The following ARID1B variants were observed in gnomAD, a reference collection of about 807,000 sequenced individuals.
ARID1B encodes the protein AT-rich interaction domain 1B.
A neutral mutation model predicts 212.3 loss-of-function variants in ARID1B; 30 were observed. The ratio of observed to expected loss-of-function variants is 0.14; its 90% confidence interval spans 0.11 to 0.19. The LOEUF is 0.19. Among genes scored for constraint, ARID1B ranks in the 10% least tolerant of loss-of-function variants. The probability of loss-of-function intolerance (pLI) is 1.00; values close to 1 mark genes in which losing one functional copy is unlikely to be tolerated. For missense variants in ARID1B, 2,891 were observed against 3,204.0 expected, an observed-to-expected ratio of 0.90 and a Z score of 2.36; for synonymous variants, 1,402 against 1,301.7, an observed-to-expected ratio of 1.08 and a Z score of -1.66.
At chr6:157,107,203 T>C (rs1786553641) in intron 5 of ARID1B, among the ~76,000 whole-genome samples, 1 of 152,000 alleles carries the variant, frequency 6.6e-6, no homozygotes, top group Non-Finnish European at 1.5e-5. Context: ...GGTCACAAAA[T>C]AGAAGGAAAG....
intron 1 of ARID1B, among the ~76,000 whole-genome samples, chr6:156,811,930 A>G (rs1159695768): frequency 2.0e-5 from 3 of 152,190 alleles, no homozygotes; most frequent in Non-Finnish European, 4.4e-5. Context: ...TTATATTATA[A>G]TATGACCTTG....
At chr6:157,122,197 T>C (rs1006840562) in intron 6 of ARID1B, among the ~76,000 whole-genome samples, 7 of 151,846 alleles carry the variant, frequency 4.6e-5, no homozygotes, top group Non-Finnish European at 8.8e-5. Context: ...GTCTCTTGGC[T>C]TAGTCTTTAA....
chr6:157,195,880 G>A (rs1265418748), intron 15 of ARID1B: 3 of 343,606 alleles, frequency 8.7e-6, no homozygotes, highest in Non-Finnish European at 1.6e-5. Context: ...GACCTACATG[G>A]TGAAACCCTG....
In ARID1B at chr6:157,101,669, T is replaced by C. The variant is rs1786056089; in HGVS notation, c.2492-8803T>C. Among the ~76,000 whole-genome samples, 4 of 152,158 alleles carry C rather than the reference T, an allele frequency of 2.6e-5. No homozygotes were observed. In the South Asian group the frequency reaches 8.3e-4, roughly 32 times the overall value. ...TTTTTTTTTAACCTCATTTGGTACA[T>C]TCAAGCTATCTCTAATTTACCTGCG... On this transcript the variant is annotated intron_variant, in intron 5 of 19. Coordinates refer to ENST00000636930, the MANE Select transcript of ARID1B (RefSeq NM_001374828.1).
At chr6:156,987,520 TG>T (rs1436018222) in intron 4 of ARID1B, among the ~76,000 whole-genome samples, 19 of 152,146 alleles carry the variant, frequency 1.2e-4, no homozygotes, top group Non-Finnish European at 1.2e-4. Flanking sequence ...TCAGTAGAGA[TG>T]GGGTTTCACC....
chr6:156,851,378 T>C (rs768255120), intron 2 of ARID1B, among the ~76,000 whole-genome samples: 17 of 152,372 alleles, frequency 1.1e-4, no homozygotes, highest in Admixed American at 3.3e-4. Context: ...TTTAATTGTA[T>C]ATTTAGGAAA....
intron 4 of ARID1B, among the ~76,000 whole-genome samples, chr6:157,044,658 T>G (rs1385071689): frequency 6.6e-6 from 1 of 152,250 alleles, no homozygotes; most frequent in Non-Finnish European, 1.5e-5. Flanking sequence ...CTGTATCTTT[T>G]GTTACATTTT....
At chr6:156,900,662 A>G (rs1049885460) in intron 2 of ARID1B, among the ~76,000 whole-genome samples, 4 of 152,220 alleles carry the variant, frequency 2.6e-5, no homozygotes, top group African/African-American at 9.6e-5. Context: ...TATCCATGGT[A>G]TATTTATTGC....
intron 1 of ARID1B, among the ~76,000 whole-genome samples, chr6:156,791,523 T>C (rs918985614): frequency 2.0e-5 from 3 of 152,236 alleles, no homozygotes; most frequent in African/African-American, 4.8e-5. Context: ...CCTTCACATA[T>C]GTAGATTAGC....
In ARID1B at chr6:156,897,667, A is replaced by T. The variant is rs11968943; in HGVS notation, c.1987-3709A>T. Among the ~76,000 whole-genome samples, 915 of 150,854 alleles carry T rather than the reference A, an allele frequency of 6.1e-3. 8 individuals are homozygous for T. Among genetic ancestry groups the T allele is most frequent in the African/African-American group, 0.021 (873 of 41,180 alleles). On this transcript the variant is annotated intron_variant, in intron 2 of 19. Transcript: ENST00000636930. ...TAGTTCAGTTTTGCAGGTTTTAAAAAATATATATATATATAGTTAGAACTG... is the reference window on the plus strand; with the variant it reads ...TAGTTCAGTTTTGCAGGTTTTAAAATATATATATATATATAGTTAGAACTG...
chr6:157,004,890 CTTTTTTCTTTTTTTTTTTTTTT>C (rs1370559954), intron 4 of ARID1B, among the ~76,000 whole-genome samples: 601 of 35,684 alleles, frequency 0.017, 8 homozygotes, highest in African/African-American at 0.038. Context: ...TTTTCTTCTT[CTTTTTTCTTTTTTTTTTTTTTT>C]TTTTTTTTTT....
chr6:156,794,844 G>A (rs951355531), intron 1 of ARID1B, among the ~76,000 whole-genome samples: 2 of 152,098 alleles, frequency 1.3e-5, no homozygotes, highest in African/African-American at 4.8e-5. Context: ...GTCTCCCAAA[G>A]TCTGGGATTA....
At chr6:157,004,848 A>G (rs1779113077) in intron 4 of ARID1B, among the ~76,000 whole-genome samples, 1 of 141,826 alleles carries the variant, frequency 7.1e-6, no homozygotes, top group South Asian at 2.2e-4. Flanking sequence ...TTGTGTGTGT[A>G]CTTTTCACAT....
chr6:157,185,624 A>T (rs1336692408), intron 13 of ARID1B: 1 of 152,258 alleles, frequency 6.6e-6, no homozygotes, highest in African/African-American at 2.4e-5. Context: ...GTGCTACAGT[A>T]TACACGATAC....
chr6:156,840,990 A>G (rs1237031877), intron 2 of ARID1B, among the ~76,000 whole-genome samples: 5 of 152,206 alleles, frequency 3.3e-5, no homozygotes, highest in Non-Finnish European at 7.3e-5. Context: ...CAGTCATTCA[A>G]CAGTGCTTAC....
chr6:156,895,586 C>T (rs1788313435), intron 2 of ARID1B, among the ~76,000 whole-genome samples: 1 of 152,146 alleles, frequency 6.6e-6, no homozygotes, highest in Non-Finnish European at 1.5e-5. Context: ...CCAGGGCCAC[C>T]TCTTTTTGGG....
In ARID1B at chr6:157,153,101, G is replaced by T. The variant is rs1790323980; in HGVS notation, c.3089+4150G>T. ...ATAAGATAGTAGAGAGAAAAAACAT[G>T]CAAGTTTAACTGGTTAGAAACTGTT... On this transcript the variant is annotated intron_variant, in intron 8 of 19. Coordinates refer to ENST00000636930, the MANE Select transcript of ARID1B (RefSeq NM_001374828.1). 1.3e-5 allele frequency among the ~76,000 whole-genome samples: 2 copies of T among 152,178 alleles called. 1 individual carries two copies. Among genetic ancestry groups the T allele is most frequent in the African/African-American group, 4.8e-5 (2 of 41,448 alleles).
chr6:157,155,481 A>G (rs1320101021), intron 8 of ARID1B, among the ~76,000 whole-genome samples: 1 of 143,782 alleles, frequency 7.0e-6, no homozygotes, highest in Non-Finnish European at 1.5e-5. Context: ...CTTAATTTCA[A>G]AAAAAAAAAA....
intron 8 of ARID1B, chr6:157,166,379 T>A (rs1791327717): frequency 6.6e-6 from 1 of 152,236 alleles, no homozygotes; most frequent in Admixed American, 6.5e-5. Context: ...GGCGACTGCA[T>A]GCTAGGGACA....
Sources: gnomAD v4.1 joint callset for allele counts (sites outside exome capture counted in the v4.1 genomes callset) on GRCh38, gnomAD v4.1.1 for gene constraint, MANE v1.5 for transcripts, NCBI Gene and HGNC (gene_info 2026-07-23, HGNC 2026-07-21) for gene names.